Variants in WT1 observed in about 807,000 individuals in gnomAD.
The protein encoded by WT1 is WT1 transcription factor.
In WT1, 8 loss-of-function variants were observed where a neutral mutation model predicts 60.8. That is an observed-to-expected ratio of 0.13 (90% CI 0.08 to 0.24). The LOEUF (loss-of-function observed/expected upper bound fraction) is 0.24, where lower values mean the gene tolerates loss of function less well. WT1 is among the 10% of genes least tolerant of loss of function. WT1 has a pLI of 1.00. For synonymous variants in WT1, 312 were observed against 297.1 expected (o/e 1.05, Z -0.52); for missense variants, 568 against 711.8 (o/e 0.80, Z 2.30).
intron 1 of WT1, chr11:32,430,471 A>AGAGAGAGAGAGAGAGG: frequency 6.5e-7 from 1 of 1,545,130 alleles, no homozygotes; most frequent in Non-Finnish European, 8.8e-7. Context: ...AGAGAGAGAG[A>AGAGAGAGAGAGAGAGG]GAGAGAGAGA....
chr11:32,416,665 T>G, intron 4 of WT1, 125 bp from the exon 5 acceptor site: 1 of 1,229,246 alleles, frequency 8.1e-7, no homozygotes, highest in Non-Finnish European at 1.2e-6. Flanking sequence ...CTATCAAGAG[T>G]GCTGAACTAA....
chr11:32,421,705 C>A (rs548551465), intron 3 of WT1, among the ~76,000 whole-genome samples: 1 of 152,244 alleles, frequency 6.6e-6, no homozygotes, highest in South Asian at 2.1e-4. Flanking sequence ...TTCTCGACCT[C>A]TGCACAAAAA....
At chr11:32,415,924 AG>A (rs1464034027) in intron 5 of WT1, among the ~76,000 whole-genome samples, 1 of 152,182 alleles carries the variant, frequency 6.6e-6, no homozygotes, top group Non-Finnish European at 1.5e-5. Context: ...AGAAGAAAAG[AG>A]GGCGGCTGGT....
chr11:32,434,455 C>CCGGCTCTTG (rs1320574113), intron 1 of WT1, among the ~76,000 whole-genome samples: 1 of 152,258 alleles, frequency 6.6e-6, no homozygotes, highest in African/African-American at 2.4e-5. Flanking sequence ...AGACGCCCTC[C>CCGGCTCTTG]CGGCTCTTGC....
At chr11:32,428,980 A>C (rs1174674062) in intron 1 of WT1, 2 of 359,318 alleles carry the variant, frequency 5.6e-6, no homozygotes, top group Non-Finnish European at 1.1e-5. Flanking sequence ...CCCCCCAAAA[A>C]TAAACTGCAG....
chr11:32,413,313 A>T (rs1852560644), intron 5 of WT1, among the ~76,000 whole-genome samples: 1 of 152,236 alleles, frequency 6.6e-6, no homozygotes. Flanking sequence ...GACACTAGTT[A>T]TGAATGAACA....
At chr11:32,425,269 T>C (rs967554554) in intron 3 of WT1, among the ~76,000 whole-genome samples, 8 of 149,932 alleles carry the variant, frequency 5.3e-5, no homozygotes, top group Admixed American at 5.3e-4. Context: ...GAGGGTCAAA[T>C]GCAACAAGGC....
At position 32,431,476 on chromosome 11, in the gene WT1, G is replaced by T. The variant is rs547727556; in HGVS notation, c.662-2857C>A. Among the ~76,000 whole-genome samples the T allele has an allele frequency of 3.3e-3, 458 of 139,450 alleles. 1 individual carries two copies. The highest frequency in any genetic ancestry group is 0.012 in the African/African-American group (438 of 36,096). 91.5% of individuals were successfully genotyped at this position (139,450 alleles called of 152,430 possible). ...TTCCGAGACGGAGTTTCGCTCTGTC[G>T]CCCAGGCTGCAGTGCAGTGGCGCGA... On this transcript the variant is annotated intron_variant, in intron 1 of 9. Transcript: ENST00000452863.
intron 6 of WT1, among the ~76,000 whole-genome samples, chr11:32,397,760 CT>C (rs914217004): frequency 6.6e-6 from 1 of 152,116 alleles, no homozygotes; most frequent in African/African-American, 2.4e-5. Flanking sequence ...AGGTCATTTT[CT>C]TTTTTGGAAG....
intron 5 of WT1, among the ~76,000 whole-genome samples, chr11:32,401,701 G>A (rs183683233): frequency 6.0e-4 from 91 of 152,046 alleles, no homozygotes; most frequent in African/African-American, 2.0e-3. Flanking sequence ...CACCATACCC[G>A]GCTCATTTTT....
Position 32,417,594 on chromosome 11 carries a change from T to C in WT1, c.948A>G (p.Leu316=). Reference sequence around the variant, plus strand: ...AACCTTACCCCTTTAAGGTGGCTCCTAAGTTCATCTGATTCCAGGTCATGC... The same window carrying C: ...AACCTTACCCCTTTAAGGTGGCTCCCAAGTTCATCTGATTCCAGGTCATGC... The change falls in exon 4 of 10, where the codon TTA becomes TTG. Residue 316 remains leucine, a synonymous_variant. Coordinates refer to ENST00000452863, the MANE Select transcript of WT1 (RefSeq NM_024426.6). 1 of 1,614,062 alleles carries C rather than the reference T, an allele frequency of 6.2e-7. No individual in the cohort carries two copies. Among genetic ancestry groups the C allele is most frequent in the Non-Finnish European group, 8.5e-7 (1 of 1,179,950 alleles).
intron 6 of WT1, among the ~76,000 whole-genome samples, chr11:32,398,713 C>G (rs1306916070): frequency 6.6e-6 from 1 of 152,026 alleles, no homozygotes; most frequent in Admixed American, 6.6e-5. Context: ...GAGAGAATAA[C>G]AGTACCCACC....
intron 5 of WT1, among the ~76,000 whole-genome samples, chr11:32,409,908 CT>C (rs1197096411): frequency 1.3e-5 from 2 of 152,058 alleles, no homozygotes; most frequent in African/African-American, 4.8e-5. Flanking sequence ...TTTTCCTCCT[CT>C]TTTTTTCCTT....
chr11:32,425,488 T>C (rs1378808635), intron 3 of WT1, among the ~76,000 whole-genome samples: 1 of 152,070 alleles, frequency 6.6e-6, no homozygotes. Context: ...TGTTTAGGAG[T>C]AGGAAAGAGG....
chr11:32,428,666 A>G (rs1450463076), intron 1 of WT1, 47 bp from the exon 2 acceptor site: 1 of 1,595,830 alleles, frequency 6.3e-7, no homozygotes, highest in Middle Eastern at 1.7e-4. Context: ...TGCTCTCGCA[A>G]GACGGGGCAG....
intron 5 of WT1, among the ~76,000 whole-genome samples, chr11:32,408,213 GA>G (rs528702262): frequency 2.7e-3 from 294 of 107,960 alleles, no homozygotes; most frequent in African/African-American, 5.4e-3. Context: ...CTCCATCTCA[GA>G]AAAAAAAAAA....
Position 32,435,396 on chromosome 11 carries a change from G to A in WT1, c.-36C>T, listed in dbSNP as rs1853486898. 3 of 1,507,948 alleles carry A rather than the reference G, an allele frequency of 2.0e-6. No individual in the cohort carries two copies. Among genetic ancestry groups the A allele is most frequent in the Non-Finnish European group, 1.8e-6 (2 of 1,129,348 alleles). The allele number at this position is 1,507,948 out of a possible 1,614,324, so 93.4% of individuals were successfully genotyped here. A position where few individuals can be genotyped will look rare whatever the true frequency, so the allele number is the denominator to read the frequency against. On this transcript the variant is annotated 5_prime_UTR_variant, in exon 1 of 10. Transcript: ENST00000452863. Reference sequence around the variant, plus strand: ...AGGAGACGGCGGGGCCCGGGCGCCTGGGCTGCCGTCCCGGCTCTGGGTGGG... The same window carrying A: ...AGGAGACGGCGGGGCCCGGGCGCCTAGGCTGCCGTCCCGGCTCTGGGTGGG...
At chr11:32,400,368 G>A (rs1487302953) in intron 5 of WT1, 2 of 429,640 alleles carry the variant, frequency 4.7e-6, no homozygotes, top group Non-Finnish European at 8.8e-6. Flanking sequence ...CCATCTAGAC[G>A]GCAGGGCTGA....
chr11:32,399,355 G>A (rs1852076647), intron 6 of WT1, among the ~76,000 whole-genome samples: 1 of 152,102 alleles, frequency 6.6e-6, no homozygotes, highest in Non-Finnish European at 1.5e-5. Context: ...GAACCCTAAT[G>A]TAAACTATGG....
Sources: gnomAD v4.1 joint callset for allele counts (sites outside exome capture counted in the v4.1 genomes callset) on GRCh38, gnomAD v4.1.1 for gene constraint, MANE v1.5 for transcripts, NCBI Gene and HGNC (gene_info 2026-07-23, HGNC 2026-07-21) for gene names.